Variants in SAMD12 observed in about 807,000 individuals in gnomAD.
The protein encoded by SAMD12 is sterile alpha motif domain-containing protein 12.
In SAMD12, 9 loss-of-function variants were observed where a neutral mutation model predicts 15.0. That is an observed-to-expected ratio of 0.60 (90% CI 0.36 to 1.05). The LOEUF is 1.05. Ranked by LOEUF, SAMD12 falls within the 50% of genes least tolerant of loss-of-function variation. SAMD12 has a pLI of 0.01. For synonymous variants in SAMD12, 86 were observed against 90.1 expected (o/e 0.96, Z 0.25); for missense variants, 230 against 234.2 (o/e 0.98, Z 0.12).
At chr8:118,248,255 TC>T (rs1812740820) in intron 4 of SAMD12, among the ~76,000 whole-genome samples, 1 of 152,142 alleles carries the variant, frequency 6.6e-6, no homozygotes. Flanking sequence ...ACACTACTAT[TC>T]CACTTCTGTT....
At chr8:118,370,539 G>A (rs1172632888) in intron 4 of SAMD12, among the ~76,000 whole-genome samples, 7 of 152,128 alleles carry the variant, frequency 4.6e-5, no homozygotes, top group Non-Finnish European at 8.8e-5. Context: ...CAACCCAAAC[G>A]TCAATCGATG....
chr8:118,408,457 G>T (rs1339472506), intron 3 of SAMD12, among the ~76,000 whole-genome samples: 1 of 152,148 alleles, frequency 6.6e-6, no homozygotes, highest in Non-Finnish European at 1.5e-5. Flanking sequence ...CTTTCAGAGA[G>T]AAGTGTTCTG....
chr8:118,530,833 G>C (rs954722019), intron 2 of SAMD12, among the ~76,000 whole-genome samples: 1 of 152,058 alleles, frequency 6.6e-6, no homozygotes, highest in African/African-American at 2.4e-5. Flanking sequence ...TATAGTTTCA[G>C]GTCTTACAGG....
At chr8:118,388,349 A>G (rs908206133) in intron 3 of SAMD12, among the ~76,000 whole-genome samples, 2 of 152,186 alleles carry the variant, frequency 1.3e-5, no homozygotes, top group Admixed American at 1.3e-4. Context: ...TGTAGAACTA[A>G]TATAATAAGC....
the SAMD12 span, among the ~76,000 whole-genome samples, chr8:118,144,381 C>T: frequency 1.3e-5 from 2 of 152,110 alleles, no homozygotes; most frequent in South Asian, 4.2e-4. Flanking sequence ...TTTTTGACAA[C>T]CCTCATCCCC....
chr8:118,399,544 C>A (rs1263217215), intron 3 of SAMD12, among the ~76,000 whole-genome samples: 1 of 152,090 alleles, frequency 6.6e-6, no homozygotes, highest in African/African-American at 2.4e-5. Flanking sequence ...GGTACCTGCC[C>A]CAGGTACCCT....
chr8:118,337,052 C>T (rs932784927), intron 4 of SAMD12, among the ~76,000 whole-genome samples: 1 of 151,860 alleles, frequency 6.6e-6, no homozygotes, highest in Non-Finnish European at 1.5e-5. Context: ...AGGAAATATA[C>T]CTAATGTAAA....
intron 2 of SAMD12, among the ~76,000 whole-genome samples, chr8:118,487,512 G>A (rs4876847): frequency 3.9e-5 from 6 of 152,060 alleles, no homozygotes; most frequent in South Asian, 2.1e-4. Context: ...ATAACATAGC[G>A]GTTTAGCAAA....
At chr8:118,335,890 C>G (rs572877800) in intron 4 of SAMD12, among the ~76,000 whole-genome samples, 118 of 152,140 alleles carry the variant, frequency 7.8e-4, no homozygotes, top group Non-Finnish European at 1.5e-3. Flanking sequence ...GTGCACACCA[C>G]TAGCCCTCTA....
At chr8:118,439,086 C>T (rs1822658784) in intron 3 of SAMD12, among the ~76,000 whole-genome samples, 1 of 152,124 alleles carries the variant, frequency 6.6e-6, no homozygotes, top group Non-Finnish European at 1.5e-5. Context: ...CCCACTCCAT[C>T]CCCCAATTGA....
intron 2 of SAMD12, among the ~76,000 whole-genome samples, chr8:118,579,645 G>A (rs1827234389): frequency 6.6e-6 from 1 of 152,146 alleles, no homozygotes; most frequent in Non-Finnish European, 1.5e-5. Context: ...GAGAAGGGAG[G>A]TGGTTATTGT....
chr8:118,357,037 C>T (rs1329674333), intron 4 of SAMD12, among the ~76,000 whole-genome samples: 2 of 152,188 alleles, frequency 1.3e-5, no homozygotes, highest in Non-Finnish European at 2.9e-5. Context: ...TTTCTGCTCT[C>T]ATCCAATCCA....
At chr8:118,266,926 AAC>A (rs1813216506) in intron 4 of SAMD12, among the ~76,000 whole-genome samples, 1 of 152,158 alleles carries the variant, frequency 6.6e-6, no homozygotes, top group South Asian at 2.1e-4. Flanking sequence ...ACAACATGGT[AAC>A]TACAGTTAAT....
chr8:118,466,201 A>C (rs1460658590), intron 2 of SAMD12, among the ~76,000 whole-genome samples: 2 of 152,222 alleles, frequency 1.3e-5, no homozygotes, highest in South Asian at 4.1e-4. Context: ...AGGCAGGTCC[A>C]ATAGCCTATA....
At chr8:118,222,914 T>G (rs994193920) in intron 4 of SAMD12, among the ~76,000 whole-genome samples, 3 of 152,092 alleles carry the variant, frequency 2.0e-5, no homozygotes, top group Admixed American at 1.3e-4. Flanking sequence ...ACAGGTCAAA[T>G]CCAGATCACA....
At chr8:118,255,098 C>T (rs1470475206) in intron 4 of SAMD12, among the ~76,000 whole-genome samples, 2 of 151,886 alleles carry the variant, frequency 1.3e-5, no homozygotes, top group African/African-American at 2.4e-5. Context: ...TAGCTTAAGC[C>T]GCATCACTGT....
chr8:118,138,966 C>G, the SAMD12 span, among the ~76,000 whole-genome samples: 3 of 152,166 alleles, frequency 2.0e-5, no homozygotes, highest in South Asian at 6.2e-4. Context: ...ATCTCATTAG[C>G]GTACAACTCA....
At chr8:118,330,223 A>T (rs1310545093) in intron 4 of SAMD12, among the ~76,000 whole-genome samples, 1 of 152,204 alleles carries the variant, frequency 6.6e-6, no homozygotes, top group Admixed American at 6.5e-5. Context: ...CGTTGGATTT[A>T]AGTATACAGA....
chr8:118,555,561 A>T (rs765576861), intron 2 of SAMD12, among the ~76,000 whole-genome samples: 3 of 152,242 alleles, frequency 2.0e-5, no homozygotes, highest in Admixed American at 6.5e-5. Context: ...CCTTTTGTTA[A>T]TGAATCAAAG....
Sources: gnomAD v4.1 joint callset for allele counts (sites outside exome capture counted in the v4.1 genomes callset) on GRCh38, gnomAD v4.1.1 for gene constraint, MANE v1.5 for transcripts, NCBI Gene and HGNC (gene_info 2026-07-23, HGNC 2026-07-21) for gene names.